Variants in ZC3H12B observed in about 807,000 individuals in gnomAD.
The protein encoded by ZC3H12B is probable ribonuclease ZC3H12B.
ZC3H12B carries 7 observed loss-of-function variants against 43.9 expected under a neutral mutation model. The observed-to-expected ratio is 0.16, with a 90% CI of 0.09 to 0.30. ZC3H12B has a LOEUF of 0.30. ZC3H12B is among the 10% of genes least tolerant of loss of function. The pLI is 1.00. For synonymous variants in ZC3H12B, 222 were observed against 241.7 expected, an observed-to-expected ratio of 0.92 and a Z score of 0.76; for missense variants, 475 against 670.2, an observed-to-expected ratio of 0.71 and a Z score of 3.22.
chrX:65,207,230 ATG>A, the ZC3H12B span, among the ~76,000 whole-genome samples: 1,169 of 103,217 alleles, frequency 0.011, 28 homozygotes, highest in African/African-American at 0.04. Flanking sequence ...GAGCACATAT[ATG>A]TGTGTGTGTG....
At chrX:65,229,085 A>G in the ZC3H12B span, among the ~76,000 whole-genome samples, 2 of 110,377 alleles carry the variant, frequency 1.8e-5, no homozygotes, top group Non-Finnish European at 3.8e-5. Flanking sequence ...AGTCAATCCT[A>G]AGCCAAAAGA....
At chrX:65,329,964 G>A in the ZC3H12B span, among the ~76,000 whole-genome samples, 2 of 112,151 alleles carry the variant, frequency 1.8e-5, no homozygotes, top group Non-Finnish European at 3.8e-5. Context: ...TTGTAGTATA[G>A]TTTGAAGTCA....
At chrX:65,416,450 A>C (rs1426340076) in intron 3 of ZC3H12B, among the ~76,000 whole-genome samples, 2 of 110,760 alleles carry the variant, frequency 1.8e-5, no homozygotes, top group Non-Finnish European at 3.8e-5. Flanking sequence ...TGTGATCCCC[A>C]GAACAGTAGC....
chrX:65,214,774 G>A, the ZC3H12B span, among the ~76,000 whole-genome samples: 1 of 111,566 alleles, frequency 9.0e-6, no homozygotes, highest in African/African-American at 3.3e-5. Context: ...TTTCCAGAGG[G>A]TTTCAGTTTA....
intron 3 of ZC3H12B, among the ~76,000 whole-genome samples, chrX:65,476,832 A>ATT (rs375353483): frequency 8.3e-5 from 8 of 96,833 alleles, no homozygotes; most frequent in Admixed American, 1.1e-4. Context: ...GCTGACTGGA[A>ATT]TTTTTTTTTT....
At chrX:65,269,218 G>A in the ZC3H12B span, among the ~76,000 whole-genome samples, 2 of 109,899 alleles carry the variant, frequency 1.8e-5, no homozygotes, top group South Asian at 4.0e-4. Context: ...GGTGGTAAAC[G>A]CCTGTAGTCC....
the ZC3H12B span, among the ~76,000 whole-genome samples, chrX:65,178,980 T>C: frequency 8.9e-6 from 1 of 112,245 alleles, no homozygotes; most frequent in African/African-American, 3.2e-5. Flanking sequence ...GCAGCACTAT[T>C]TTCAATAGCA....
the ZC3H12B span, among the ~76,000 whole-genome samples, chrX:65,302,249 G>T: frequency 9.0e-6 from 1 of 110,664 alleles, no homozygotes; most frequent in Non-Finnish European, 1.9e-5. Flanking sequence ...TTTACAGGTG[G>T]CATAATTGTC....
the ZC3H12B span, among the ~76,000 whole-genome samples, chrX:65,322,600 C>T: frequency 9.0e-6 from 1 of 111,583 alleles, no homozygotes; most frequent in South Asian, 3.7e-4. Flanking sequence ...CATTTGTCTC[C>T]GTGTCTGTTT....
intron 2 of ZC3H12B, among the ~76,000 whole-genome samples, chrX:65,388,277 C>T (rs758374841): frequency 1.8e-5 from 2 of 112,207 alleles, no homozygotes; most frequent in Admixed American, 9.4e-5. Context: ...TTCAGGTACA[C>T]GAATCAGACA....
At chrX:65,356,863 C>T in the ZC3H12B span, 6 of 324,278 alleles carry the variant, frequency 1.9e-5, no homozygotes, top group African/African-American at 1.3e-4. Flanking sequence ...GAGGTCCAGT[C>T]GAAAGTGAGA....
chrX:65,249,377 G>T, the ZC3H12B span, among the ~76,000 whole-genome samples: 64 of 110,840 alleles, frequency 5.8e-4, no homozygotes, highest in African/African-American at 1.6e-3. Flanking sequence ...AAGATCAGTT[G>T]GCTTTACTTT....
At chrX:65,104,332 C>T in the ZC3H12B span, among the ~76,000 whole-genome samples, 2 of 111,766 alleles carry the variant, frequency 1.8e-5, no homozygotes, top group Non-Finnish European at 3.8e-5. Context: ...CTAGGCAATA[C>T]CATTCAGGAC....
chrX:65,412,852 T>G (rs1287816630), intron 3 of ZC3H12B, among the ~76,000 whole-genome samples: 1 of 80,029 alleles, frequency 1.2e-5, no homozygotes, highest in Non-Finnish European at 1.9e-5. Flanking sequence ...TTTTGTTTTG[T>G]TTTTTTTGAG....
the ZC3H12B span, among the ~76,000 whole-genome samples, chrX:65,262,338 T>C: frequency 1.8e-5 from 2 of 110,716 alleles, no homozygotes; most frequent in South Asian, 7.5e-4. Flanking sequence ...TGGAAGGAAG[T>C]CGATATTGTC....
the ZC3H12B span, among the ~76,000 whole-genome samples, chrX:65,101,956 C>T: frequency 8.9e-6 from 1 of 112,139 alleles, no homozygotes; most frequent in Non-Finnish European, 1.9e-5. Flanking sequence ...GGCCAATATC[C>T]CTGATGAACA....
chrX:65,073,380 G>T, the ZC3H12B span, among the ~76,000 whole-genome samples: 1 of 112,125 alleles, frequency 8.9e-6, no homozygotes, highest in South Asian at 3.7e-4. Context: ...TTTCTGGCCA[G>T]GCATGGTTCA....
chrX:65,396,175 ATCT>A (rs745654267), intron 2 of ZC3H12B, among the ~76,000 whole-genome samples: 3 of 111,294 alleles, frequency 2.7e-5, no homozygotes, highest in Admixed American at 1.9e-4. Context: ...TCATGTCTCT[ATCT>A]TCTTCAGTTC....
At chrX:65,459,438 C>T (rs1448122501) in intron 3 of ZC3H12B, among the ~76,000 whole-genome samples, 2 of 111,625 alleles carry the variant, frequency 1.8e-5, no homozygotes, top group Non-Finnish European at 3.8e-5. Flanking sequence ...CCCTGATGAA[C>T]ATTGATGCAA....
Sources: gnomAD v4.1 joint callset for allele counts (sites outside exome capture counted in the v4.1 genomes callset) on GRCh38, gnomAD v4.1.1 for gene constraint, MANE v1.5 for transcripts, NCBI Gene and HGNC (gene_info 2026-07-23, HGNC 2026-07-21) for gene names.